RFTN1: variants seen among roughly 807,000 people sequenced by gnomAD.
The protein encoded by RFTN1 is raftlin.
Under a neutral mutation model 46.5 loss-of-function variants are expected in RFTN1, and 26 were observed. The ratio of observed to expected loss-of-function variants is 0.56; its 90% CI spans 0.41 to 0.78. RFTN1 has a LOEUF of 0.78. Ranked by LOEUF, RFTN1 falls within the 30% of genes least tolerant of loss-of-function variation. The pLI is 0.00. For synonymous variants in RFTN1, 261 were observed against 284.2 expected (o/e 0.92, Z 0.82); for missense variants, 693 against 718.7 (o/e 0.96, Z 0.41).
intron 7 of RFTN1, chr3:16,349,349 G>C (rs1231404275): frequency 1.3e-5 from 2 of 152,262 alleles, no homozygotes; most frequent in Non-Finnish European, 2.9e-5. Context: ...TGGCTGTAGA[G>C]ATGGATGAGT....
intron 9 of RFTN1, among the ~76,000 whole-genome samples, chr3:16,319,332 T>C (rs2068785291): frequency 6.6e-6 from 1 of 152,358 alleles, no homozygotes; most frequent in Non-Finnish European, 1.5e-5. Context: ...CCTTAAGTGC[T>C]AAAATGTCAA....
In RFTN1 at chr3:16,422,986, G is replaced by A. The variant is rs2075216042; in HGVS notation, c.332+10865C>T. ...TCGAGACCATCCTGGCTAACACAGT[G>A]AAACCCCATCTCTACAAAAAATACA... On this transcript the variant is annotated intron_variant, in intron 3 of 9. Transcript: ENST00000334133. The surrounding 1 kb of genome is among the most constrained non-coding windows in gnomAD (Gnocchi z 4.6). 6.6e-6 allele frequency among the ~76,000 whole-genome samples: 1 copy of A among 151,584 alleles called. No individual in the cohort carries two copies. The highest frequency in any genetic ancestry group is 2.4e-5 in the African/African-American group (1 of 41,006).
At position 16,402,461 on chromosome 3, in the gene RFTN1, A is replaced by T. The variant is rs575983575; in HGVS notation, c.441+6914T>A. On this transcript the variant is annotated intron_variant, in intron 4 of 9. Transcript: ENST00000334133. This position sits in a 1 kb window ranked among gnomAD's most constrained non-coding sequence, Gnocchi z 4.5. ...CCCAGGTTCATCTTTTTTAAATGTC[A>T]CTATTCTCTTGGTTTGTGGGTGGGT... 5.9e-5 allele frequency among the ~76,000 whole-genome samples: 9 copies of T among 151,950 alleles called. No individual in the cohort carries two copies. The South Asian group carries it at 1.9e-3, about 32-fold the overall frequency.
At chr3:16,454,178 T>G (rs987851891) in intron 2 of RFTN1, among the ~76,000 whole-genome samples, 3 of 152,242 alleles carry the variant, frequency 2.0e-5, no homozygotes, top group African/African-American at 7.2e-5. Flanking sequence ...TAATAGTTTC[T>G]ATCACAATGA....
intron 2 of RFTN1, among the ~76,000 whole-genome samples, chr3:16,463,506 T>C (rs897624697): frequency 1.3e-5 from 2 of 152,232 alleles, no homozygotes; most frequent in African/African-American, 4.8e-5. Context: ...CTTTTTCAAG[T>C]AATAGAAATC....
intron 2 of RFTN1, among the ~76,000 whole-genome samples, chr3:16,463,768 A>C (rs1256384233): frequency 6.6e-6 from 1 of 152,246 alleles, no homozygotes; most frequent in Non-Finnish European, 1.5e-5. Flanking sequence ...ATCATGTATT[A>C]GAAAGTTGAA....
rs1242909445 is a variant in RFTN1 at position 16,403,789 on chromosome 3, T to A, written c.441+5586A>T. Reference sequence around the variant, plus strand: ...TAATATATAATATATATTATATATTTTATATATAATATATATTATATATTT... The same window carrying A: ...TAATATATAATATATATTATATATTATATATATAATATATATTATATATTT... On this transcript the variant is annotated intron_variant, in intron 4 of 9. Coordinates refer to ENST00000334133, the MANE Select transcript of RFTN1 (RefSeq NM_015150.2). 1.2e-3 allele frequency among the ~76,000 whole-genome samples: 15 copies of A among 12,856 alleles called. 3 individuals carry two copies. Among genetic ancestry groups the A allele is most frequent in the South Asian group, 3.0e-3 (1 of 330 alleles). The allele number at this position is 12,856 out of a possible 152,430, so 8.4% of individuals were successfully genotyped here.
intron 2 of RFTN1, among the ~76,000 whole-genome samples, chr3:16,492,822 C>A (rs1329132350): frequency 6.6e-6 from 1 of 152,198 alleles, no homozygotes; most frequent in Admixed American, 6.5e-5. Context: ...CTCCAAGATG[C>A]CAGGACAGGC....
intron 1 of RFTN1, 47 bp from the exon 2 acceptor site, chr3:16,493,924 T>G (rs2076583594): frequency 5.6e-6 from 9 of 1,609,686 alleles, no homozygotes; most frequent in Middle Eastern, 1.7e-4. Context: ...TTTCTGAGAT[T>G]TTGTCTTTAA....
chr3:16,357,697 C>G (rs1028838294), intron 7 of RFTN1, among the ~76,000 whole-genome samples: 1 of 152,168 alleles, frequency 6.6e-6, no homozygotes, highest in South Asian at 2.1e-4. Flanking sequence ...CACCAAATGG[C>G]CAGGCACATG....
At chr3:16,441,369 C>G (rs993460563) in intron 2 of RFTN1, among the ~76,000 whole-genome samples, 1 of 147,260 alleles carries the variant, frequency 6.8e-6, no homozygotes, top group Non-Finnish European at 1.5e-5. Flanking sequence ...CACAAAACCA[C>G]ACATTTCTTA....
chr3:16,377,507 A>G (rs890779510), intron 5 of RFTN1, among the ~76,000 whole-genome samples: 1 of 152,202 alleles, frequency 6.6e-6, no homozygotes, highest in Non-Finnish European at 1.5e-5. Context: ...AGTCAATTTC[A>G]TGTGGTTCTG....
rs971576725 is a variant in RFTN1, at chr3:16,400,420, C to T, written c.441+8955G>A. 7.2e-5 allele frequency among the ~76,000 whole-genome samples: 11 copies of T among 152,202 alleles called. No homozygotes were observed. Among genetic ancestry groups the T allele is most frequent in the Admixed American group, 4.6e-4 (7 of 15,284 alleles). ...CCCCTTGCCATGTTCTACTCGACAG[C>T]GCTCACCCATCTGTGATCCTACAAC... is the stretch of plus-strand genomic sequence containing the variant. On this transcript the variant is annotated intron_variant, in intron 4 of 9. Transcript: ENST00000334133. This position sits in a 1 kb window ranked among gnomAD's most constrained non-coding sequence, Gnocchi z 4.5.
At chr3:16,318,254 T>C (rs2068652304) in intron 9 of RFTN1, among the ~76,000 whole-genome samples, 1 of 152,032 alleles carries the variant, frequency 6.6e-6, no homozygotes, top group South Asian at 2.1e-4. Flanking sequence ...GGGTTTTAGT[T>C]TTCAGTTCCC....
Position 16,418,363 on chromosome 3 carries a change from C to G in RFTN1, c.333-8880G>C, listed in dbSNP as rs530469327. 7.9e-5 allele frequency among the ~76,000 whole-genome samples: 12 copies of G among 152,300 alleles called. No individual in the cohort carries two copies. In the South Asian group the frequency reaches 2.3e-3, roughly 29 times the overall value. Reference sequence around the variant, plus strand: ...ACATGTAATAAATCCCATTTTGGCTCATAAATCCCTTAGATCTCTTCAAAG... The same window carrying G: ...ACATGTAATAAATCCCATTTTGGCTGATAAATCCCTTAGATCTCTTCAAAG... On this transcript the variant is annotated intron_variant, in intron 3 of 9. Coordinates refer to ENST00000334133, the MANE Select transcript of RFTN1 (RefSeq NM_015150.2). This position sits in a 1 kb window ranked among gnomAD's most constrained non-coding sequence, Gnocchi z 5.0.
chr3:16,401,870 G>A (rs1052198510), intron 4 of RFTN1, among the ~76,000 whole-genome samples: 6 of 152,208 alleles, frequency 3.9e-5, no homozygotes, highest in Non-Finnish European at 7.3e-5. Flanking sequence ...ATTTCCACCA[G>A]GCATCAGAGA....
intron 6 of RFTN1, among the ~76,000 whole-genome samples, chr3:16,360,173 T>TC (rs1173295495): frequency 6.6e-6 from 1 of 151,832 alleles, no homozygotes; most frequent in Admixed American, 6.5e-5. Flanking sequence ...AATTGCAGTT[T>TC]CTTTTTTTTT....
intron 3 of RFTN1, among the ~76,000 whole-genome samples, chr3:16,412,217 G>A (rs964191887): frequency 4.6e-5 from 7 of 152,220 alleles, no homozygotes; most frequent in African/African-American, 9.7e-5. Flanking sequence ...AGGTGAGCAA[G>A]TAATAGGCGT....
intron 9 of RFTN1, among the ~76,000 whole-genome samples, chr3:16,318,663 C>T (rs1300615974): frequency 6.6e-6 from 1 of 152,096 alleles, no homozygotes; most frequent in East Asian, 1.9e-4. Flanking sequence ...TGGAATGTTC[C>T]ATTAAAGTAG....
Sources: gnomAD v4.1 joint callset for allele counts (sites outside exome capture counted in the v4.1 genomes callset) on GRCh38, gnomAD v4.1.1 for gene constraint, Gnocchi (gnomAD v3.1) non-coding constraint, MANE v1.5 for transcripts, NCBI Gene and HGNC (gene_info 2026-07-23, HGNC 2026-07-21) for gene names.